Variants in TTLL7 observed in about 807,000 individuals in gnomAD.
TTLL7 encodes the protein tubulin tyrosine ligase like 7, also known as tubulin polyglutamylase TTLL7.
Under a neutral mutation model 120.2 loss-of-function variants are expected in TTLL7, and 53 were observed. The observed-to-expected ratio is 0.44, with a 90% CI of 0.35 to 0.55. The LOEUF is 0.55. TTLL7 is among the 20% of genes least tolerant of loss of function. The probability of loss-of-function intolerance (pLI) is 0.00; values close to 1 mark genes in which losing one functional copy is unlikely to be tolerated. For synonymous variants in TTLL7, 353 were observed against 351.7 expected, an observed-to-expected ratio of 1.00 and a Z score of -0.04; for missense variants, 803 against 1,054.7, an observed-to-expected ratio of 0.76 and a Z score of 3.31.
At chr1:83,898,958 T>C (rs1571112953) in intron 18 of TTLL7, among the ~76,000 whole-genome samples, 2 of 151,940 alleles carry the variant, frequency 1.3e-5, no homozygotes, top group East Asian at 3.9e-4. Context: ...TGCTGGCTGG[T>C]TTGCACTGCT....
At chr1:83,880,267 C>T (rs936663383) in intron 20 of TTLL7, 2 of 151,526 alleles carry the variant, frequency 1.3e-5, no homozygotes, top group Non-Finnish European at 2.9e-5. Context: ...TTACCTTTAC[C>T]ACTGCTATTA....
At chr1:83,976,033 C>CTGTGTG (rs34596192) in intron 1 of TTLL7, among the ~76,000 whole-genome samples, 528 of 147,920 alleles carry the variant, frequency 3.6e-3, no homozygotes, top group African/African-American at 8.1e-3. Context: ...TTGTCTCTCT[C>CTGTGTG]TGTGTGTGTG....
At chr1:83,937,327 G>A (rs555832329) in intron 8 of TTLL7, among the ~76,000 whole-genome samples, 17 of 151,608 alleles carry the variant, frequency 1.1e-4, no homozygotes, top group Non-Finnish European at 1.9e-4. Flanking sequence ...CCTCAGCCCC[G>A]AGTAGCTGGG....
At chr1:83,883,498 T>A (rs1367479785) in intron 19 of TTLL7, among the ~76,000 whole-genome samples, 1 of 151,880 alleles carries the variant, frequency 6.6e-6, no homozygotes, top group Non-Finnish European at 1.5e-5. Context: ...CAAGTGATCC[T>A]CCCTCATTTT....
chr1:83,986,271 T>C (rs1454363698), intron 1 of TTLL7, among the ~76,000 whole-genome samples: 1 of 152,204 alleles, frequency 6.6e-6, no homozygotes, highest in Non-Finnish European at 1.5e-5. Flanking sequence ...TGTGCTGTCA[T>C]GACAAAGTGA....
intron 1 of TTLL7, among the ~76,000 whole-genome samples, chr1:83,985,986 C>CA (rs572708128): frequency 2.4e-4 from 37 of 152,130 alleles, no homozygotes; most frequent in Non-Finnish European, 4.1e-4. Context: ...GCCAAACACT[C>CA]AATGAAGAAT....
At chr1:83,971,599 C>T (rs933784999) in intron 1 of TTLL7, among the ~76,000 whole-genome samples, 2 of 152,056 alleles carry the variant, frequency 1.3e-5, no homozygotes, top group Admixed American at 6.6e-5. Context: ...CTTTCACTCA[C>T]GGTTAACTCT....
In TTLL7 at chr1:83,866,175, A is replaced by G. The variant is rs1433418950; in HGVS notation, c.*3787T>C. 6.6e-6 allele frequency: 1 copy of G among 151,850 alleles called. No homozygotes were observed. Among genetic ancestry groups the G allele is most frequent in the Non-Finnish European group, 1.5e-5 (1 of 67,758 alleles). The allele number at this position is 151,850 out of a possible 1,614,324, so 9.4% of individuals were successfully genotyped here. The stretch of plus-strand genomic sequence containing the variant: ...GTTTTCTGTCACTCTTGAGGTATTT[A>G]CTATTTTTTAAAGAATACACATTTA... On this transcript the variant is annotated 3_prime_UTR_variant, in exon 21 of 21. Coordinates refer to ENST00000260505, the MANE Select transcript of TTLL7 (RefSeq NM_024686.6).
chr1:83,881,121 C>G (rs1446983338), intron 20 of TTLL7, among the ~76,000 whole-genome samples: 1 of 150,108 alleles, frequency 6.7e-6, no homozygotes, highest in Non-Finnish European at 1.5e-5. Context: ...AATGTTAGAC[C>G]TAAAACCATA....
chr1:83,994,245 C>T lies in TTLL7; in HGVS notation c.-177+4686G>A, dbSNP rs141175733. ...AAGACTGATGGCATAGTATAAGAAC[C>T]TGCCTCTCTGCTCCCTAGTTGTGCC... On this transcript the variant is annotated intron_variant, in intron 1 of 20. Transcript: ENST00000260505. 4.3e-3 allele frequency among the ~76,000 whole-genome samples: 661 copies of T among 152,314 alleles called. 8 individuals carry two copies. The highest frequency in any genetic ancestry group is 0.015 in the African/African-American group (627 of 41,564).
At chr1:83,952,424 C>A (rs1354052113) in intron 1 of TTLL7, 37 bp from the exon 2 acceptor site, 4 of 446,696 alleles carry the variant, frequency 9.0e-6, no homozygotes, top group Non-Finnish European at 1.2e-5. Context: ...TTAGAAAAAA[C>A]TTTTTTGAAT....
chr1:83,882,748 T>C (rs1654629113), intron 20 of TTLL7: 2 of 440,650 alleles, frequency 4.5e-6, no homozygotes, highest in Non-Finnish European at 7.9e-6. Flanking sequence ...AAGTATGTTT[T>C]ATCACCTTTA....
rs935536806 is a variant in TTLL7 at position 83,954,588 on chromosome 1, C to A, written c.-176-2201G>T. On this transcript the variant is annotated intron_variant, in intron 1 of 20. Coordinates refer to ENST00000260505, the MANE Select transcript of TTLL7 (RefSeq NM_024686.6). Reference sequence around the variant, plus strand: ...CAACCTTGGCTGCAAAGCAGAATTGCCTGAATGAGGAGCTTTTGAAAATCC... The same window carrying A: ...CAACCTTGGCTGCAAAGCAGAATTGACTGAATGAGGAGCTTTTGAAAATCC... Among the ~76,000 whole-genome samples, 5 of 152,238 alleles carry A rather than the reference C, an allele frequency of 3.3e-5. No homozygotes were observed. The East Asian group carries it at 9.7e-4, about 29-fold the overall frequency.
chr1:83,977,455 A>G (rs1452819083), intron 1 of TTLL7, among the ~76,000 whole-genome samples: 1 of 151,990 alleles, frequency 6.6e-6, no homozygotes, highest in Non-Finnish European at 1.5e-5. Flanking sequence ...AAAATCACAT[A>G]CCTTTTTTTT....
intron 12 of TTLL7, 128 bp downstream of exon 12, chr1:83,920,959 G>C: frequency 1.0e-6 from 1 of 990,658 alleles, no homozygotes; most frequent in Non-Finnish European, 1.5e-6. Flanking sequence ...CTGAAAGACA[G>C]TAAGCAAAAA....
intron 10 of TTLL7, among the ~76,000 whole-genome samples, chr1:83,922,337 G>T (rs1331768660): frequency 6.6e-6 from 1 of 152,134 alleles, no homozygotes; most frequent in Non-Finnish European, 1.5e-5. Flanking sequence ...CGACAAGAAG[G>T]CCATTTGGCT....
At chr1:83,922,439 G>A (rs975577668) in intron 10 of TTLL7, among the ~76,000 whole-genome samples, 1 of 152,038 alleles carries the variant, frequency 6.6e-6, no homozygotes, top group African/African-American at 2.4e-5. Context: ...TGAGTCGAAG[G>A]CCCTAAACAA....
chr1:83,880,467 A>G (rs1215423654), intron 20 of TTLL7, among the ~76,000 whole-genome samples: 1 of 152,016 alleles, frequency 6.6e-6, no homozygotes, highest in Non-Finnish European at 1.5e-5. Context: ...CATTTGTAAT[A>G]AAGTTCATTT....
chr1:83,880,728 T>A (rs961753761), intron 20 of TTLL7, among the ~76,000 whole-genome samples: 1 of 152,070 alleles, frequency 6.6e-6, no homozygotes, highest in Non-Finnish European at 1.5e-5. Context: ...CCTCACAGAA[T>A]TGGAAAAAAC....
Sources: allele counts gnomAD v4.1 joint callset (sites outside exome capture counted in the v4.1 genomes callset), GRCh38; gene constraint gnomAD v4.1.1; transcripts MANE v1.5; gene names NCBI Gene and HGNC (gene_info 2026-07-23, HGNC 2026-07-21).